Variants in CNBD1 observed in about 807,000 individuals in gnomAD.
CNBD1 encodes cyclic nucleotide binding domain containing 1, also known as cyclic nucleotide-binding domain-containing protein 1.
In CNBD1, 71 loss-of-function variants were observed where a neutral mutation model predicts 54.4. The observed-to-expected ratio is 1.30, with a 90% CI of 1.08 to 1.59. CNBD1 has a LOEUF of 1.59. CNBD1 is among the 40% of genes most tolerant of loss of function. The pLI, the probability that CNBD1 is intolerant of heterozygous loss-of-function variation, is 0.00. For synonymous variants in CNBD1, 182 were observed against 170.7 expected (o/e 1.07, Z -0.51); for missense variants, 659 against 518.0 (o/e 1.27, Z -2.64).
chr8:87,313,477 GAGA>G (rs1477873292), intron 8 of CNBD1, among the ~76,000 whole-genome samples: 2 of 151,964 alleles, frequency 1.3e-5, no homozygotes, highest in Admixed American at 1.3e-4. Context: ...CAGTTTCAAA[GAGA>G]AGAACTATAA....
chr8:87,243,437 G>T (rs1337982522), intron 6 of CNBD1, among the ~76,000 whole-genome samples: 1 of 152,162 alleles, frequency 6.6e-6, no homozygotes, highest in Non-Finnish European at 1.5e-5. Flanking sequence ...ATTTGATTTT[G>T]CTGCCTCCAG....
intron 4 of CNBD1, among the ~76,000 whole-genome samples, chr8:87,071,565 C>T (rs1005595344): frequency 3.3e-5 from 5 of 152,022 alleles, no homozygotes; most frequent in African/African-American, 1.2e-4. Flanking sequence ...CTCATTCAGA[C>T]CATTAAAAAC....
intron 10 of CNBD1, among the ~76,000 whole-genome samples, chr8:87,382,253 A>G (rs1035735872): frequency 6.6e-6 from 1 of 151,986 alleles, no homozygotes; most frequent in Admixed American, 6.6e-5. Context: ...AATAGGTAAG[A>G]TGATTTTACA....
At chr8:86,915,962 T>C (rs1809177823) in intron 3 of CNBD1, among the ~76,000 whole-genome samples, 1 of 152,194 alleles carries the variant, frequency 6.6e-6, no homozygotes, top group Non-Finnish European at 1.5e-5. Context: ...GAGAGAAATA[T>C]ATGTAATGAA....
intron 4 of CNBD1, among the ~76,000 whole-genome samples, chr8:86,952,923 T>A (rs1807663373): frequency 6.6e-6 from 1 of 152,202 alleles, no homozygotes; most frequent in South Asian, 2.1e-4. Context: ...TTTCTGTCAG[T>A]AAACTTTATT....
intron 4 of CNBD1, among the ~76,000 whole-genome samples, chr8:87,064,059 T>A (rs1157822676): frequency 6.6e-6 from 1 of 151,990 alleles, no homozygotes; most frequent in Non-Finnish European, 1.5e-5. Context: ...AAAGCTGTAT[T>A]CCTTCTTTCT....
At chr8:87,385,635 G>T (rs1489113865), downstream of CNBD1, among the ~76,000 whole-genome samples, 1 of 152,126 alleles carries the variant, frequency 6.6e-6, no homozygotes, top group South Asian at 2.1e-4. Flanking sequence ...GGAACTGGGT[G>T]GGGCCCACCG....
chr8:87,176,903 C>T (rs574349984), intron 4 of CNBD1, among the ~76,000 whole-genome samples: 2 of 152,054 alleles, frequency 1.3e-5, no homozygotes, highest in African/African-American at 4.8e-5. Context: ...AAATAGAATA[C>T]TTTAAAAATA....
intron 6 of CNBD1, among the ~76,000 whole-genome samples, chr8:87,258,696 A>T (rs1808070236): frequency 6.6e-6 from 1 of 152,154 alleles, no homozygotes; most frequent in Non-Finnish European, 1.5e-5. Flanking sequence ...TTTTCAGTAA[A>T]CCTTGTATAC....
intron 3 of CNBD1, among the ~76,000 whole-genome samples, chr8:86,907,659 T>C (rs1234935768): frequency 6.6e-6 from 1 of 150,738 alleles, no homozygotes; most frequent in Admixed American, 6.6e-5. Context: ...AGAGCATGAC[T>C]CTATCTAAAA....
chr8:87,423,273 C>T (rs1362485856), intron 2 of CNBD1, among the ~76,000 whole-genome samples: 1 of 150,734 alleles, frequency 6.6e-6, no homozygotes, highest in African/African-American at 2.5e-5. Context: ...TTATTTCCTT[C>T]TCCTGCCTAA....
chr8:87,276,745 A>T (rs1014627835), intron 6 of CNBD1, among the ~76,000 whole-genome samples: 1 of 151,870 alleles, frequency 6.6e-6, no homozygotes, highest in South Asian at 2.1e-4. Context: ...TTCAAGAAAG[A>T]AGGGAAATAC....
At chr8:87,424,513 C>T (rs562270938) in intron 2 of CNBD1, among the ~76,000 whole-genome samples, 26 of 152,260 alleles carry the variant, frequency 1.7e-4, no homozygotes, top group Admixed American at 9.2e-4. Context: ...ATCTTTATTT[C>T]TGCCTTCATT....
intron 4 of CNBD1, among the ~76,000 whole-genome samples, chr8:87,059,625 T>C (rs1348829627): frequency 6.6e-6 from 1 of 152,168 alleles, no homozygotes; most frequent in Non-Finnish European, 1.5e-5. Context: ...AAGCCCCTTA[T>C]AAAACCATCA....
chr8:86,957,908 T>G (rs1807820690), intron 4 of CNBD1, among the ~76,000 whole-genome samples: 1 of 152,218 alleles, frequency 6.6e-6, no homozygotes, highest in Non-Finnish European at 1.5e-5. Flanking sequence ...TCTAGTTCTT[T>G]TAATTGTGAA....
downstream of CNBD1, among the ~76,000 whole-genome samples, chr8:87,385,315 G>A (rs1269110989): frequency 1.3e-5 from 2 of 152,110 alleles, no homozygotes; most frequent in South Asian, 2.1e-4. Context: ...CCAAAACAGG[G>A]CAAGGCATCG....
chr8:86,983,790 G>A lies in CNBD1; in HGVS notation c.431+44036G>A, dbSNP rs193094701. 1.0e-3 allele frequency among the ~76,000 whole-genome samples: 152 copies of A among 152,272 alleles called. No homozygotes were observed. In the Middle Eastern group the frequency reaches 0.017, roughly 17 times the overall value. ...AGCAAAGCATTCAAGAGGTGAATTG[G>A]GTGCTGTTAAAAGCATTCAGTTTTA... On this transcript the variant is annotated intron_variant, in intron 4 of 10. Transcript: ENST00000518476.
intron 4 of CNBD1, among the ~76,000 whole-genome samples, chr8:87,008,563 A>G (rs907048518): frequency 6.6e-6 from 1 of 152,180 alleles, no homozygotes; most frequent in Non-Finnish European, 1.5e-5. Context: ...TGATAAGTCA[A>G]ATATATCCTT....
intron 4 of CNBD1, among the ~76,000 whole-genome samples, chr8:87,137,901 T>G (rs1812290971): frequency 6.6e-6 from 1 of 152,178 alleles, no homozygotes; most frequent in Non-Finnish European, 1.5e-5. Flanking sequence ...TGAAGAACTT[T>G]TCAGAGTTTC....
Sources: gnomAD v4.1 joint callset for allele counts (sites outside exome capture counted in the v4.1 genomes callset) on GRCh38, gnomAD v4.1.1 for gene constraint, MANE v1.5 for transcripts, NCBI Gene and HGNC (gene_info 2026-07-23, HGNC 2026-07-21) for gene names.